Variants in TSGA10 observed in about 807,000 individuals in gnomAD.
TSGA10 encodes the protein testis-specific gene 10 protein.
TSGA10 carries 43 observed loss-of-function variants against 96.6 expected under a neutral mutation model. The observed-to-expected ratio is 0.44, with a 90% CI of 0.35 to 0.57. TSGA10 has a LOEUF of 0.57. Among genes scored for constraint, TSGA10 ranks in the 20% least tolerant of loss-of-function variants. TSGA10 has a pLI of 0.01. For synonymous variants in TSGA10, 229 were observed against 269.9 expected (o/e 0.85, Z 1.48); for missense variants, 703 against 834.4 (o/e 0.84, Z 1.94).
At chr2:99,118,486 T>C (rs1315956554) in intron 3 of TSGA10, 65 bp downstream of exon 3, 5 of 497,566 alleles carry the variant, frequency 1.0e-5, no homozygotes, top group African/African-American at 6.2e-5. Context: ...TACATATATA[T>C]ATACGTATAT....
chr2:99,003,937 T>C (rs1387036590), intron 20 of TSGA10, among the ~76,000 whole-genome samples: 1 of 151,382 alleles, frequency 6.6e-6, no homozygotes, highest in African/African-American at 2.4e-5. Flanking sequence ...AGAAGACAAA[T>C]AACTAAGATC....
At chr2:99,141,246 G>A in intron 1 of TSGA10, 1 of 929,502 alleles carries the variant, frequency 1.1e-6, no homozygotes, top group Non-Finnish European at 1.4e-6. Flanking sequence ...TCCTGGCCCC[G>A]CCCCGGCGGA....
At chr2:99,102,934 T>C (rs879765453) in intron 10 of TSGA10, among the ~76,000 whole-genome samples, 1 of 152,198 alleles carries the variant, frequency 6.6e-6, no homozygotes, top group African/African-American at 2.4e-5. Context: ...TACTTACAGT[T>C]TTAGAATTTA....
At chr2:99,028,977 G>T (rs928439126) in intron 17 of TSGA10, among the ~76,000 whole-genome samples, 7 of 152,068 alleles carry the variant, frequency 4.6e-5, no homozygotes, top group Admixed American at 4.6e-4. Flanking sequence ...TTTTTATACA[G>T]AAATGGTAAA....
intron 4 of TSGA10, among the ~76,000 whole-genome samples, chr2:99,116,599 G>C (rs1337196996): frequency 6.6e-6 from 1 of 151,048 alleles, no homozygotes; most frequent in Non-Finnish European, 1.5e-5. Flanking sequence ...CTATTAAAAA[G>C]TATTAAAAGA....
intron 20 of TSGA10, among the ~76,000 whole-genome samples, chr2:98,998,662 T>C (rs1475057974): frequency 1.3e-5 from 2 of 152,186 alleles, no homozygotes; most frequent in Non-Finnish European, 2.9e-5. Flanking sequence ...ATCTTGATCA[T>C]AGTTGTGCTG....
chr2:99,059,845 C>T (rs1326984338), intron 16 of TSGA10, among the ~76,000 whole-genome samples: 1 of 145,500 alleles, frequency 6.9e-6, no homozygotes, highest in African/African-American at 2.6e-5. Flanking sequence ...ACCCAGGAGG[C>T]GAAGGCTGCA....
chr2:99,046,979 C>T (rs545620707), intron 16 of TSGA10, among the ~76,000 whole-genome samples: 38 of 152,096 alleles, frequency 2.5e-4, no homozygotes, highest in Non-Finnish European at 3.8e-4. Flanking sequence ...CTAGAAGAAA[C>T]GGATAAATTC....
At chr2:99,078,035 G>A (rs2086943330) in intron 12 of TSGA10, among the ~76,000 whole-genome samples, 1 of 151,414 alleles carries the variant, frequency 6.6e-6, no homozygotes, top group Non-Finnish European at 1.5e-5. Context: ...ACTTTGGGAG[G>A]CTGAGGTGGG....
In TSGA10 at chr2:99,078,820, A is replaced by T. The variant is rs372628010; in HGVS notation, c.728-7T>A. On this transcript the variant is annotated splice_polypyrimidine_tract_variant and splice_region_variant and intron_variant, in intron 11 of 20. Coordinates refer to ENST00000393483, the MANE Select transcript of TSGA10 (RefSeq NM_025244.4). Reference sequence around the variant, plus strand: ...TTTTGCCTTGTAAAGTTATCTATGTATGCAATCATAAAAGTGTTGTTTTAA... The same window carrying T: ...TTTTGCCTTGTAAAGTTATCTATGTTTGCAATCATAAAAGTGTTGTTTTAA... 1 of 1,602,010 alleles carries T rather than the reference A, an allele frequency of 6.2e-7. No homozygotes were observed. The highest frequency in any genetic ancestry group is 8.5e-7 in the Non-Finnish European group (1 of 1,176,228).
rs781578889 is a variant in TSGA10 at position 99,078,700 on chromosome 2, A to AT, written c.840dup (p.Ser281IlefsTer2). ...TCTCCAAGGGATGCAATATTCTCAG[A>AT]TTTTTTATCCAAACATGCTTGCAGG... On this transcript the variant is annotated frameshift_variant, in exon 12 of 21. Transcript: ENST00000393483. LOFTEE classifies it high-confidence loss of function. 2 of 1,613,704 alleles carry AT rather than the reference A, an allele frequency of 1.2e-6. No individual in the cohort carries two copies. The highest frequency in any genetic ancestry group is 8.5e-7 in the Non-Finnish European group (1 of 1,179,874).
intron 10 of TSGA10, among the ~76,000 whole-genome samples, chr2:99,086,743 A>C (rs2088454446): frequency 6.6e-6 from 1 of 152,184 alleles, no homozygotes; most frequent in Admixed American, 6.5e-5. Flanking sequence ...CAAGTAAATA[A>C]GGAAAGAAAA....
chr2:99,151,405 C>T (rs11890338), intron 1 of TSGA10: 88,073 of 146,706 alleles, frequency 0.6, 27,017 homozygotes, highest in East Asian at 0.88. Context: ...GGAGGCTGCA[C>T]TGAGCTGAGG....
intron 20 of TSGA10, among the ~76,000 whole-genome samples, chr2:99,012,268 A>G (rs1319633652): frequency 6.6e-6 from 1 of 152,200 alleles, no homozygotes; most frequent in Non-Finnish European, 1.5e-5. Flanking sequence ...CAATGGGGGA[A>G]GAAAACACCA....
chr2:99,134,271 G>C (rs968906192), intron 1 of TSGA10, among the ~76,000 whole-genome samples: 2 of 152,056 alleles, frequency 1.3e-5, no homozygotes, highest in African/African-American at 2.4e-5. Flanking sequence ...TGGAGGCTTT[G>C]TTTGTTTCTT....
At chr2:99,012,475 T>A (rs1484796052) in intron 20 of TSGA10, among the ~76,000 whole-genome samples, 1 of 152,036 alleles carries the variant, frequency 6.6e-6, no homozygotes, top group African/African-American at 2.4e-5. Context: ...AAACTTAAGG[T>A]TAAAGGGTGG....
intron 16 of TSGA10, among the ~76,000 whole-genome samples, chr2:99,056,009 C>T (rs2104397028): frequency 6.6e-6 from 1 of 152,082 alleles, no homozygotes; most frequent in Non-Finnish European, 1.5e-5. Flanking sequence ...CGAGATCATC[C>T]TGGCTAATAC....
At chr2:99,088,442 GT>G (rs1197008421) in intron 10 of TSGA10, among the ~76,000 whole-genome samples, 1 of 152,102 alleles carries the variant, frequency 6.6e-6, no homozygotes, top group East Asian at 1.9e-4. Flanking sequence ...AATATCTGTG[GT>G]TTCAGGCATC....
At chr2:99,136,846 T>TAAAAAAAAAA (rs2093348915) in intron 1 of TSGA10, among the ~76,000 whole-genome samples, 4 of 120,902 alleles carry the variant, frequency 3.3e-5, no homozygotes, top group Non-Finnish European at 5.6e-5. Context: ...AAAAAAAAAG[T>TAAAAAAAAAA]ATTTCTGACT....
Sources: gnomAD v4.1 joint callset for allele counts (sites outside exome capture counted in the v4.1 genomes callset) on GRCh38, gnomAD v4.1.1 for gene constraint, MANE v1.5 for transcripts, NCBI Gene and HGNC (gene_info 2026-07-23, HGNC 2026-07-21) for gene names.